MPRIP: variants seen among roughly 807,000 people sequenced by gnomAD.
MPRIP encodes the protein myosin phosphatase Rho interacting protein, also known as myosin phosphatase Rho-interacting protein.
MPRIP carries 59 observed loss-of-function variants against 234.9 expected under a neutral mutation model. The observed-to-expected ratio is 0.25, with a 90% CI of 0.20 to 0.31. The LOEUF is 0.31. Among genes scored for constraint, MPRIP ranks in the 10% least tolerant of loss-of-function variants. MPRIP has a pLI of 1.00. For missense variants in MPRIP, 2,436 were observed against 3,071.0 expected, an observed-to-expected ratio of 0.79 and a Z score of 4.89; for synonymous variants, 1,144 against 1,263.9, an observed-to-expected ratio of 0.91 and a Z score of 2.01.
chr17:17,176,505 C>T lies in MPRIP; in HGVS notation c.6950C>T (p.Ala2317Val). 6.2e-7 allele frequency: 1 copy of T among 1,613,732 alleles called. No homozygotes were observed. Among genetic ancestry groups the T allele is most frequent in the Non-Finnish European group, 8.5e-7 (1 of 1,179,700 alleles). Reference protein sequence around the residue: ...ISSLKDELQTALRDKKYASDK... With the variant: ...ISSLKDELQTVLRDKKYASDK... Reference sequence around the variant, plus strand: ...TCCCTCAAGGATGAGCTGCAGACGGCACTGCGGGTAAGGCCACCGCACCAC... The same window carrying T: ...TCCCTCAAGGATGAGCTGCAGACGGTACTGCGGGTAAGGCCACCGCACCAC... Residue 2317 changes from alanine to valine, a missense_variant, in exon 21 of 24, where the codon GCA becomes GTA. Transcript: ENST00000651222.
At chr17:17,093,531 C>G (rs1185410398) in intron 3 of MPRIP, among the ~76,000 whole-genome samples, 1 of 152,174 alleles carries the variant, frequency 6.6e-6, no homozygotes, top group Non-Finnish European at 1.5e-5. Flanking sequence ...CTCTCCCTAT[C>G]ATGCAATAGT....
At chr17:17,152,264 G>A (rs2045619461) in intron 12 of MPRIP, among the ~76,000 whole-genome samples, 1 of 152,246 alleles carries the variant, frequency 6.6e-6, no homozygotes, top group Admixed American at 6.5e-5. Flanking sequence ...CTGTGGGAGG[G>A]GTAGGCGGGC....
At position 17,164,493 on chromosome 17, in the gene MPRIP, G is replaced by A. The variant is rs2045939508; in HGVS notation, c.2902G>A (p.Glu968Lys). 1 of 1,212,790 alleles carries A rather than the reference G, an allele frequency of 8.2e-7. No individual in the cohort carries two copies. Among genetic ancestry groups the A allele is most frequent in the Non-Finnish European group, 1.1e-6 (1 of 951,114 alleles). 75.1% of individuals were successfully genotyped at this position (1,212,790 alleles called of 1,614,324 possible). The change falls in exon 16 of 24, where the codon GAG becomes AAG. Residue 968 changes from glutamate (E) to lysine (K), a missense_variant. By Grantham distance (56) the Glu-to-Lys change is moderately conservative. This residue lies in a region of MPRIP where 1,998 missense variants were observed against 2,520.3 expected (regional missense o/e 0.79). Coordinates refer to ENST00000651222, the MANE Select transcript of MPRIP (RefSeq NM_001364716.4). ...KLKSAEALLL[E>K]KTQELRGLET... ...CAAGAGTGCTGAGGCCCTGCTGCTG[G>A]AGAAGACGCAGGAGCTACGGGGCCT...
At chr17:17,090,807 G>A (rs557853158) in intron 3 of MPRIP, among the ~76,000 whole-genome samples, 1 of 152,336 alleles carries the variant, frequency 6.6e-6, no homozygotes, top group African/African-American at 2.4e-5. Flanking sequence ...GCCACAGGTT[G>A]GAGACCTGGT....
At chr17:17,085,902 G>C (rs2144109426) in intron 3 of MPRIP, among the ~76,000 whole-genome samples, 1 of 152,310 alleles carries the variant, frequency 6.6e-6, no homozygotes, top group Non-Finnish European at 1.5e-5. Context: ...AGCAGAGTGA[G>C]ACTCTGTCTC....
chr17:17,192,427 T>TGGGGGGGGGGGG lies in MPRIP; in HGVS notation c.*7537_*7548dup, dbSNP rs1555603013. On this transcript the variant is annotated 3_prime_UTR_variant, in exon 24 of 24. Transcript: ENST00000651222. Reference sequence around the variant, plus strand: ...ACCAGCTGAGCTGCTGCTTTTTTTTTGGGGGGGGGGGGGGGAGGGGCGTCT... The same window carrying TGGGGGGGGGGGG: ...ACCAGCTGAGCTGCTGCTTTTTTTTTGGGGGGGGGGGGGGGGGGGGGGGGGGGAGGGGCGTCT... 2.1e-4 allele frequency: 1 copy of TGGGGGGGGGGGG among 4,816 alleles called. No homozygotes were observed. Among genetic ancestry groups the TGGGGGGGGGGGG allele is most frequent in the African/African-American group, 4.2e-4 (1 of 2,360 alleles). 0.3% of individuals were successfully genotyped at this position (4,816 alleles called of 1,614,324 possible).
At chr17:17,142,788 C>T in intron 8 of MPRIP, 23 bp downstream of exon 8, 1 of 1,609,798 alleles carries the variant, frequency 6.2e-7, no homozygotes, top group Non-Finnish European at 8.5e-7. Context: ...GGCTGGGCAG[C>T]ACCTCAGGGG....
chr17:17,081,567 C>T (rs2089462779), intron 3 of MPRIP, among the ~76,000 whole-genome samples: 4 of 152,198 alleles, frequency 2.6e-5, no homozygotes, highest in Admixed American at 2.6e-4. Context: ...TTACCTCAGC[C>T]CCACTGGGTT....
Position 17,161,222 on chromosome 17 carries a change from G to A in MPRIP, c.2401-18G>A, listed in dbSNP as rs961235936. ...TCATTGTCATTTTGCATAAAAGTGTGTGTCTTTTTGCCAACAGCTGGAGCA... is the reference window on the plus strand; with the variant it reads ...TCATTGTCATTTTGCATAAAAGTGTATGTCTTTTTGCCAACAGCTGGAGCA... On this transcript the variant is annotated intron_variant, in intron 14 of 23. Transcript: ENST00000651222. 5.1e-6 allele frequency: 8 copies of A among 1,568,242 alleles called. No homozygotes were observed. Among genetic ancestry groups the A allele is most frequent in the Non-Finnish European group, 7.0e-6 (8 of 1,143,950 alleles).
intron 1 of MPRIP, among the ~76,000 whole-genome samples, chr17:17,065,602 G>A (rs2089000447): frequency 6.6e-6 from 1 of 151,316 alleles, no homozygotes; most frequent in South Asian, 2.1e-4. Flanking sequence ...CTTGTGATTG[G>A]GTAAATAGAT....
intron 3 of MPRIP, among the ~76,000 whole-genome samples, chr17:17,110,643 TC>T (rs2090151034): frequency 6.6e-6 from 1 of 152,168 alleles, no homozygotes; most frequent in Non-Finnish European, 1.5e-5. Flanking sequence ...TCAACAGTGA[TC>T]AGTCGTGAAG....
intron 9 of MPRIP, among the ~76,000 whole-genome samples, chr17:17,144,068 C>T (rs2045401974): frequency 6.6e-6 from 1 of 152,246 alleles, no homozygotes; most frequent in Non-Finnish European, 1.5e-5. Context: ...CGTGTCATGC[C>T]TCAAGTGGAA....
intron 11 of MPRIP, 73 bp downstream of exon 11, chr17:17,147,460 C>T: frequency 7.3e-7 from 1 of 1,379,280 alleles, no homozygotes; most frequent in African/African-American, 1.4e-5. Flanking sequence ...GCTAGTAGAT[C>T]TGCTTCCCCC....
rs752889030 is a variant in MPRIP at position 17,173,906 on chromosome 17, C to T, written c.6591-10C>T. On this transcript the variant is annotated splice_polypyrimidine_tract_variant and intron_variant, in intron 18 of 23. Transcript: ENST00000651222. ...AGCAGGCAGAGGAGTGAGTGCTGCC[C>T]TCTCCCCAGGGAGGAGCTGCAGTCG... 7 of 1,613,280 alleles carry T rather than the reference C, an allele frequency of 4.3e-6. No homozygotes were observed. The Admixed American group carries it at 1.0e-4, about 23-fold the overall frequency.
At chr17:17,147,519 C>A in intron 11 of MPRIP, 132 bp downstream of exon 11, 1 of 844,160 alleles carries the variant, frequency 1.2e-6, no homozygotes, top group Non-Finnish European at 2.0e-6. Context: ...GTGGTGTTAC[C>A]TTGCCGAAGG....
intron 3 of MPRIP, among the ~76,000 whole-genome samples, chr17:17,121,803 C>G (rs901198313): frequency 2.0e-5 from 3 of 152,180 alleles, no homozygotes; most frequent in Admixed American, 2.0e-4. Flanking sequence ...CTGATCTTCT[C>G]CCTCTTCCCA....
chr17:17,090,920 C>T (rs760365025), intron 3 of MPRIP, among the ~76,000 whole-genome samples: 4 of 152,080 alleles, frequency 2.6e-5, no homozygotes, highest in Non-Finnish European at 5.9e-5. Context: ...TTGAAGATCT[C>T]GGCTATGCCA....
intron 1 of MPRIP, among the ~76,000 whole-genome samples, chr17:17,072,175 G>A (rs945261777): frequency 1.3e-5 from 2 of 152,210 alleles, no homozygotes; most frequent in African/African-American, 4.8e-5. Flanking sequence ...GCTGTGCGGG[G>A]GAGGATGCAG....
chr17:17,097,302 CAA>C (rs1477278163), intron 3 of MPRIP: 1 of 152,718 alleles, frequency 6.5e-6, no homozygotes, highest in Non-Finnish European at 1.5e-5. Context: ...GACCTAAAAA[CAA>C]TAATTTTTAA....
Sources: gnomAD v4.1 joint callset for allele counts (sites outside exome capture counted in the v4.1 genomes callset) on GRCh38, gnomAD v4.1.1 for gene constraint, gnomAD v4.1.1 regional missense constraint, MANE v1.5 for transcripts, NCBI Gene and HGNC (gene_info 2026-07-23, HGNC 2026-07-21) for gene names.